CCDC73: variants seen among roughly 807,000 people sequenced by gnomAD.
CCDC73 encodes coiled-coil domain containing 73, also known as coiled-coil domain-containing protein 73.
In CCDC73, 95 loss-of-function variants were observed where a neutral mutation model predicts 116.5. That is an observed-to-expected ratio of 0.82 (90% CI 0.69 to 0.97). The LOEUF (loss-of-function observed/expected upper bound fraction) is 0.97, where lower values mean the gene tolerates loss of function less well. Among genes scored for constraint, CCDC73 ranks in the 50% least tolerant of loss-of-function variants. The pLI, the probability that CCDC73 is intolerant of heterozygous loss-of-function variation, is 0.00. For missense variants in CCDC73, 1,066 were observed against 1,206.8 expected (o/e 0.88, Z 1.73); for synonymous variants, 398 against 401.3 (o/e 0.99, Z 0.10).
chr11:32,662,134 G>T (rs985262319), intron 9 of CCDC73, among the ~76,000 whole-genome samples: 3 of 152,176 alleles, frequency 2.0e-5, no homozygotes, highest in African/African-American at 7.2e-5. Context: ...GAATAGTGCT[G>T]CAATAAACAT....
chr11:32,823,820 G>T, the CCDC73 span, among the ~76,000 whole-genome samples: 1 of 152,112 alleles, frequency 6.6e-6, no homozygotes, highest in South Asian at 2.1e-4. Flanking sequence ...ACTCAGTGCA[G>T]CCCTGATCTC....
chr11:32,734,752 T>C (rs765939566), intron 2 of CCDC73, among the ~76,000 whole-genome samples: 2 of 152,132 alleles, frequency 1.3e-5, no homozygotes, highest in African/African-American at 2.4e-5. Flanking sequence ...CTGATGAACA[T>C]TGATGCAGAA....
chr11:32,671,414 A>G (rs574615319), intron 9 of CCDC73, among the ~76,000 whole-genome samples: 15 of 151,768 alleles, frequency 9.9e-5, no homozygotes, highest in Non-Finnish European at 1.8e-4. Context: ...AAAAAAAAAA[A>G]AAAGAAATTC....
rs115855402 is a variant in CCDC73, at chr11:32,781,812, T to C, written c.-16+12801A>G. Among the ~76,000 whole-genome samples, 540 of 152,236 alleles carry C rather than the reference T, an allele frequency of 3.5e-3. 6 individuals carry two copies. The highest frequency in any genetic ancestry group is 0.012 in the African/African-American group (519 of 41,526). ...GCCAGATAGCTCTTGAGGCAGCAGA[T>C]TGGAAGGAAGTGTGTGTTTTCTAAG... On this transcript the variant is annotated intron_variant, in intron 1 of 17. Coordinates refer to ENST00000335185, the MANE Select transcript of CCDC73 (RefSeq NM_001008391.4).
At chr11:32,749,832 A>G (rs1850271088) in intron 2 of CCDC73, among the ~76,000 whole-genome samples, 1 of 150,892 alleles carries the variant, frequency 6.6e-6, no homozygotes, top group Admixed American at 6.6e-5. Context: ...AATTATCTGA[A>G]TTACCAAGCA....
chr11:32,747,349 T>G (rs1850249061), intron 2 of CCDC73, among the ~76,000 whole-genome samples: 1 of 152,050 alleles, frequency 6.6e-6, no homozygotes, highest in Non-Finnish European at 1.5e-5. Flanking sequence ...TGTCTGTTGG[T>G]CCCTACTGGG....
intron 1 of CCDC73, among the ~76,000 whole-genome samples, chr11:32,782,301 C>T (rs985712911): frequency 6.6e-6 from 1 of 152,150 alleles, no homozygotes; most frequent in Admixed American, 6.5e-5. Flanking sequence ...AACCATCTTC[C>T]CCCAGCCCCA....
At chr11:32,606,429 G>A (rs2133211921) in intron 17 of CCDC73, among the ~76,000 whole-genome samples, 1 of 152,190 alleles carries the variant, frequency 6.6e-6, no homozygotes, top group Admixed American at 6.5e-5. Context: ...GTGTGACTGT[G>A]GTCTATTAAA....
intron 9 of CCDC73, among the ~76,000 whole-genome samples, chr11:32,674,146 A>G (rs1856063832): frequency 1.3e-5 from 2 of 152,182 alleles, no homozygotes; most frequent in Non-Finnish European, 2.9e-5. Flanking sequence ...ATAGATCTGG[A>G]GGGGCAAACA....
At chr11:32,821,571 C>A in the CCDC73 span, among the ~76,000 whole-genome samples, 1 of 152,068 alleles carries the variant, frequency 6.6e-6, no homozygotes, top group South Asian at 2.1e-4. Context: ...AAAAGTATAT[C>A]TTTTATTTCC....
intron 17 of CCDC73, 133 bp downstream of exon 17, chr11:32,610,999 G>A (rs1479837734): frequency 1.3e-6 from 1 of 759,486 alleles, no homozygotes; most frequent in Admixed American, 2.7e-5. Flanking sequence ...TGTGAAAAAT[G>A]GTGCCATGTT....
intron 6 of CCDC73, among the ~76,000 whole-genome samples, chr11:32,696,858 ATTT>A (rs562273835): frequency 7.1e-6 from 1 of 141,136 alleles, no homozygotes. Flanking sequence ...AAACACAAGG[ATTT>A]TTTTTTTTTT....
the CCDC73 span, among the ~76,000 whole-genome samples, chr11:32,812,299 C>A: frequency 6.6e-6 from 1 of 152,106 alleles, no homozygotes; most frequent in Admixed American, 6.5e-5. Flanking sequence ...GTGGGAGGAT[C>A]GCTTGAGGCC....
At chr11:32,685,549 A>C (rs991368242) in intron 6 of CCDC73, among the ~76,000 whole-genome samples, 2 of 152,212 alleles carry the variant, frequency 1.3e-5, no homozygotes, top group South Asian at 4.1e-4. Flanking sequence ...TGTGGCTGAA[A>C]GACAATAAGC....
the CCDC73 span, among the ~76,000 whole-genome samples, chr11:32,823,179 A>T: frequency 6.6e-6 from 1 of 152,220 alleles, no homozygotes; most frequent in Non-Finnish European, 1.5e-5. Context: ...TAAATCTTAA[A>T]ATATTGAAGA....
chr11:32,652,590 T>G (rs1855836085), intron 12 of CCDC73, among the ~76,000 whole-genome samples: 1 of 152,150 alleles, frequency 6.6e-6, no homozygotes, highest in African/African-American at 2.4e-5. Flanking sequence ...AAAGCCTCTT[T>G]TTTGAACCCT....
Position 32,762,686 on chromosome 11 carries a change from C to T in CCDC73, c.-15-2428G>A, listed in dbSNP as rs144576906. On this transcript the variant is annotated intron_variant, in intron 1 of 17. Coordinates refer to ENST00000335185, the MANE Select transcript of CCDC73 (RefSeq NM_001008391.4). Reference sequence around the variant, plus strand: ...TCCAGTCTACAGCTCCCAGCATGAGCGACGCAGAAAACGGGTGATTTCTGC... The same window carrying T: ...TCCAGTCTACAGCTCCCAGCATGAGTGACGCAGAAAACGGGTGATTTCTGC... 7.3e-3 allele frequency among the ~76,000 whole-genome samples: 1,105 copies of T among 152,192 alleles called. 17 individuals are homozygous for T. The highest frequency in any genetic ancestry group is 0.025 in the African/African-American group (1,056 of 41,530).
chr11:32,679,570 C>T (rs993031929), intron 7 of CCDC73, among the ~76,000 whole-genome samples: 1 of 152,132 alleles, frequency 6.6e-6, no homozygotes, highest in South Asian at 2.1e-4. Context: ...CACTGTGTTG[C>T]CCAGGCTGGC....
At chr11:32,642,794 C>T (rs1425030262) in intron 12 of CCDC73, among the ~76,000 whole-genome samples, 1 of 151,676 alleles carries the variant, frequency 6.6e-6, no homozygotes, top group East Asian at 1.9e-4. Context: ...ATGCCTAATA[C>T]ATTTGGAATC....
Sources: gnomAD v4.1 joint callset for allele counts (sites outside exome capture counted in the v4.1 genomes callset) on GRCh38, gnomAD v4.1.1 for gene constraint, MANE v1.5 for transcripts, NCBI Gene and HGNC (gene_info 2026-07-23, HGNC 2026-07-21) for gene names.